DAB2IP: variants seen among roughly 807,000 people sequenced by gnomAD.
The protein encoded by DAB2IP is disabled homolog 2-interacting protein.
DAB2IP carries 28 observed loss-of-function variants against 107.2 expected under a neutral mutation model. The ratio of observed to expected loss-of-function variants is 0.26; its 90% CI spans 0.19 to 0.36. The LOEUF (loss-of-function observed/expected upper bound fraction) is 0.36, where lower values mean the gene tolerates loss of function less well. DAB2IP is among the 10% of genes least tolerant of loss of function. The pLI is 1.00. For synonymous variants in DAB2IP, 755 were observed against 706.4 expected, an observed-to-expected ratio of 1.07 and a Z score of -1.09; for missense variants, 1,400 against 1,644.7, an observed-to-expected ratio of 0.85 and a Z score of 2.57.
At chr9:121,668,054 C>T (rs1833520669) in intron 1 of DAB2IP, among the ~76,000 whole-genome samples, 2 of 152,196 alleles carry the variant, frequency 1.3e-5, no homozygotes, top group African/African-American at 2.4e-5. Context: ...CACCAGAACG[C>T]TATGGGGAAA....
chr9:121,695,228 G>A (rs1261680104), intron 2 of DAB2IP, among the ~76,000 whole-genome samples: 1 of 152,154 alleles, frequency 6.6e-6, no homozygotes, highest in Non-Finnish European at 1.5e-5. Flanking sequence ...GTTCATTCAT[G>A]TCCCTGTCCC....
chr9:121,631,731 G>A (rs1288082401), intron 1 of DAB2IP, among the ~76,000 whole-genome samples: 4 of 149,614 alleles, frequency 2.7e-5, no homozygotes, highest in South Asian at 4.2e-4. Flanking sequence ...CAGGAGAATC[G>A]CTTGAACCCG....
At position 121,760,533 on chromosome 9, in the gene DAB2IP, G is replaced by T. The variant is rs764574409; in HGVS notation, c.1170+94G>T. On this transcript the variant is annotated intron_variant, in intron 6 of 15. Transcript: ENST00000408936. This position sits in a 1 kb window ranked among gnomAD's most constrained non-coding sequence, Gnocchi z 5.9. ...ATCCGTACATTTCAGGCCTAACAGA[G>T]GCCTTGGAGGCACCGGTCACTACCA... 12 of 1,403,188 alleles carry T rather than the reference G, an allele frequency of 8.6e-6. No individual in the cohort carries two copies. Among genetic ancestry groups the T allele is most frequent in the African/African-American group, 1.4e-5 (1 of 69,144 alleles). 86.9% of individuals were successfully genotyped at this position (1,403,188 alleles called of 1,614,324 possible).
intron 1 of DAB2IP, among the ~76,000 whole-genome samples, chr9:121,644,087 C>T (rs1271866686): frequency 6.6e-6 from 1 of 151,620 alleles, no homozygotes. Context: ...AGGAGGGTCA[C>T]ATGAGCCCAG....
chr9:121,651,316 C>A (rs889515615), upstream of DAB2IP, among the ~76,000 whole-genome samples: 19 of 152,190 alleles, frequency 1.2e-4, no homozygotes, highest in Non-Finnish European at 1.5e-5. This position sits in a 1 kb window ranked among gnomAD's most constrained non-coding sequence, Gnocchi z 5.1. Flanking sequence ...CCCAAGCATG[C>A]GTCCTACCCC....
intron 2 of DAB2IP, among the ~76,000 whole-genome samples, chr9:121,691,785 C>T (rs560577161): frequency 6.6e-6 from 1 of 152,258 alleles, no homozygotes; most frequent in East Asian, 1.9e-4. Flanking sequence ...TACATTTTAC[C>T]TGGGGATTCC....
exon 16 of DAB2IP, chr9:121,784,656 A>C (rs1835880741): frequency 6.5e-6 from 1 of 154,958 alleles, no homozygotes; most frequent in African/African-American, 2.4e-5. Context: ...ATGGTTGTAC[A>C]TATCCTTTGG....
Position 121,639,544 on chromosome 9 carries a change from C to A in DAB2IP, c.41-39134C>A, listed in dbSNP as rs74836816. Among the ~76,000 whole-genome samples the A allele has an allele frequency of 4.3e-3, 659 of 152,242 alleles. 3 individuals are homozygous for A. Among genetic ancestry groups the A allele is most frequent in the African/African-American group, 0.014 (599 of 41,532 alleles). On this transcript the variant is annotated intron_variant, in intron 1 of 16. Coordinates refer to the DAB2IP transcript ENST00000259371. ...ACGGCTGCTGCCTGGCCCTAGATGA[C>A]CTGCTGGGCCCCAGAATCCAGACCA...
chr9:121,591,235 A>G (rs7858577), intron 1 of DAB2IP, among the ~76,000 whole-genome samples: 3,397 of 152,222 alleles, frequency 0.022, 130 homozygotes, highest in African/African-American at 0.077. Context: ...TTGAGAGGCT[A>G]AGGCGGGTGG....
intron 1 of DAB2IP, among the ~76,000 whole-genome samples, chr9:121,596,797 T>G (rs1830540214): frequency 6.6e-6 from 1 of 152,168 alleles, no homozygotes; most frequent in Non-Finnish European, 1.5e-5. Flanking sequence ...ACTTCGACAT[T>G]TCTAGATGCT....
At chr9:121,583,444 G>C (rs1317755360) in intron 1 of DAB2IP, among the ~76,000 whole-genome samples, 2 of 152,186 alleles carry the variant, frequency 1.3e-5, no homozygotes, top group African/African-American at 4.8e-5. Context: ...ATGGGTAACA[G>C]GGGTAGGGGA....
chr9:121,607,290 C>T (rs1242603191), intron 1 of DAB2IP, among the ~76,000 whole-genome samples: 1 of 152,108 alleles, frequency 6.6e-6, no homozygotes, highest in Admixed American at 6.5e-5. Context: ...TCACATACTC[C>T]TATCATTCCT....
At position 121,651,839 on chromosome 9, in the gene DAB2IP, A is replaced by G; in HGVS notation, c.64A>G (p.Arg22Gly). ...GTCCTCCTACTACTACCGGCTGCTG[A>G]GGCGGCCCCGGCTGCAGCGACAGAG... is the stretch of plus-strand genomic sequence containing the variant. The change falls in exon 1 of 16, where the codon AGG (arginine) becomes GGG (glycine). Residue 22 changes from arginine to glycine, a missense_variant. By Grantham distance (125) the Arg-to-Gly change is moderately radical. Transcript: ENST00000408936. The surrounding 1 kb of genome is among the most constrained non-coding windows in gnomAD (Gnocchi z 5.1). 2.0e-6 allele frequency: 3 copies of G among 1,471,692 alleles called. No individual in the cohort carries two copies. The highest frequency in any genetic ancestry group is 1.8e-6 in the Non-Finnish European group (2 of 1,109,510). The allele number at this position is 1,471,692 out of a possible 1,614,324, so 91.2% of individuals were successfully genotyped here. A position where few individuals can be genotyped will look rare whatever the true frequency, so the allele number is the denominator to read the frequency against.
chr9:121,629,153 T>TA (rs1831778920), intron 1 of DAB2IP, among the ~76,000 whole-genome samples: 1 of 152,162 alleles, frequency 6.6e-6, no homozygotes, highest in Non-Finnish European at 1.5e-5. Flanking sequence ...AATGATGCGA[T>TA]AGATTCCCTT....
At chr9:121,737,461 C>A (rs979178015) in intron 3 of DAB2IP, 2 of 985,356 alleles carry the variant, frequency 2.0e-6, no homozygotes, top group Non-Finnish European at 2.4e-6. Context: ...CTAGGCTCAC[C>A]TCTTAGATGC....
At position 121,651,671 on chromosome 9, in the gene DAB2IP, G is replaced by A. The variant is rs1261467085; in HGVS notation, c.-105G>A. On this transcript the variant is annotated 5_prime_UTR_variant, in exon 1 of 16. Transcript: ENST00000408936. The surrounding 1 kb of genome is among the most constrained non-coding windows in gnomAD (Gnocchi z 5.1). Reference sequence around the variant, plus strand: ...CAGCCAGGGCCTCGGCGGCCGCTCGGGCGAGCGCGGGAGAACGCGTGGGCG... The same window carrying A: ...CAGCCAGGGCCTCGGCGGCCGCTCGAGCGAGCGCGGGAGAACGCGTGGGCG... 10 of 1,100,322 alleles carry A rather than the reference G, an allele frequency of 9.1e-6. No individual in the cohort carries two copies. Among genetic ancestry groups the A allele is most frequent in the Non-Finnish European group, 1.1e-5 (10 of 905,316 alleles). The allele number at this position is 1,100,322 out of a possible 1,614,324, so 68.2% of individuals were successfully genotyped here.
chr9:121,776,406 TGCCTG>T lies in DAB2IP; in HGVS notation c.3314+24_3314+28del, dbSNP rs1184019554. On this transcript the variant is annotated intron_variant, in intron 14 of 15. Transcript: ENST00000408936. This position sits in a 1 kb window ranked among gnomAD's most constrained non-coding sequence, Gnocchi z 5.4. Reference sequence around the variant, plus strand: ...ATCATCAGCAGGTGGGGCCCACACCTGCCTGGCCTGGCCACAGGCACAGGCAGGGC... The same window carrying T: ...ATCATCAGCAGGTGGGGCCCACACCTGCCTGGCCACAGGCACAGGCAGGGC... 1.3e-6 allele frequency: 2 copies of T among 1,513,056 alleles called. No homozygotes were observed. The highest frequency in any genetic ancestry group is 8.9e-7 in the Non-Finnish European group (1 of 1,129,548). 93.7% of individuals were successfully genotyped at this position (1,513,056 alleles called of 1,614,324 possible). A position where few individuals can be genotyped will look rare whatever the true frequency, so the allele number is the denominator to read the frequency against.
rs116125150 is a variant in DAB2IP, at chr9:121,717,959, C to T, written c.362+18501C>T. On this transcript the variant is annotated intron_variant, in intron 3 of 15. Transcript: ENST00000408936. ...TATGACAGTCTTGTTTCCGGCATGT[C>T]AGGTGTGACCATGCCTTCTGTCTCG... Among the ~76,000 whole-genome samples, 1,149 of 152,302 alleles carry T rather than the reference C, an allele frequency of 7.5e-3. 14 individuals are homozygous for T. The highest frequency in any genetic ancestry group is 0.026 in the African/African-American group (1,069 of 41,574).
intron 4 of DAB2IP, among the ~76,000 whole-genome samples, chr9:121,757,804 T>A (rs1172492269): frequency 6.6e-6 from 1 of 150,654 alleles, no homozygotes; most frequent in Non-Finnish European, 1.5e-5. Context: ...CTGCAGTTAT[T>A]CATATTGCTT....
Sources: allele counts gnomAD v4.1 joint callset (sites outside exome capture counted in the v4.1 genomes callset), GRCh38; gene constraint gnomAD v4.1.1; non-coding constraint Gnocchi (gnomAD v3.1); transcripts MANE v1.5; gene names NCBI Gene and HGNC (gene_info 2026-07-23, HGNC 2026-07-21).